The following IGFBP5 variants were observed in gnomAD, a reference collection of about 807,000 sequenced individuals.
The protein encoded by IGFBP5 is insulin-like growth factor-binding protein 5.
A neutral mutation model predicts 28.0 loss-of-function variants in IGFBP5; 12 were observed. That is an observed-to-expected ratio of 0.43 (90% CI 0.27 to 0.69). IGFBP5 has a LOEUF of 0.69. Among genes scored for constraint, IGFBP5 ranks in the 30% least tolerant of loss-of-function variants. IGFBP5 has a pLI of 0.20. For missense variants in IGFBP5, 344 were observed against 381.6 expected, an observed-to-expected ratio of 0.90 and a Z score of 0.82; for synonymous variants, 152 against 150.2, an observed-to-expected ratio of 1.01 and a Z score of -0.09.
At position 216,673,966 on chromosome 2, in the gene IGFBP5, A is replaced by C. The variant is rs1264479228; in HGVS notation, c.*2785T>G. 1.3e-5 allele frequency: 2 copies of C among 152,692 alleles called. No homozygotes were observed. The highest frequency in any genetic ancestry group is 2.9e-5 in the Non-Finnish European group (2 of 68,062). 9.5% of individuals were successfully genotyped at this position (152,692 alleles called of 1,614,324 possible). A position where few individuals can be genotyped will look rare whatever the true frequency, so the allele number is the denominator to read the frequency against. On this transcript the variant is annotated 3_prime_UTR_variant, in exon 4 of 4. Transcript: ENST00000233813. The surrounding 1 kb of genome is among the most constrained non-coding windows in gnomAD (Gnocchi z 4.3). ...AGGCACGAACTTTGGAAACCGGAAGAGTCTGGCGCACTTACACCAGGCTCT... is the reference window on the plus strand; with the variant it reads ...AGGCACGAACTTTGGAAACCGGAAGCGTCTGGCGCACTTACACCAGGCTCT...
chr2:216,693,401 A>G (rs1396623109), intron 1 of IGFBP5, among the ~76,000 whole-genome samples: 1 of 119,124 alleles, frequency 8.4e-6, no homozygotes, highest in African/African-American at 3.2e-5. Context: ...CATGCACTTA[A>G]TCCACACCCA....
At chr2:216,691,019 AG>A (rs933502905) in intron 1 of IGFBP5, among the ~76,000 whole-genome samples, 4 of 151,290 alleles carry the variant, frequency 2.6e-5, no homozygotes, top group African/African-American at 4.9e-5. Flanking sequence ...TTTCAGAGGG[AG>A]GGGGTGCGGG....
At chr2:216,690,424 A>G (rs892127606) in intron 1 of IGFBP5, among the ~76,000 whole-genome samples, 2 of 152,174 alleles carry the variant, frequency 1.3e-5, no homozygotes, top group Non-Finnish European at 2.9e-5. Flanking sequence ...CACACACTAA[A>G]TATCTTAAAA....
At chr2:216,678,613 C>G (rs1688932795) in intron 2 of IGFBP5, 1 of 576,184 alleles carries the variant, frequency 1.7e-6, no homozygotes, top group African/African-American at 1.9e-5. Context: ...GGCCGCTGGG[C>G]TGGCACACAC....
At chr2:216,691,875 G>A (rs1402643778) in intron 1 of IGFBP5, among the ~76,000 whole-genome samples, 2 of 114,566 alleles carry the variant, frequency 1.7e-5, no homozygotes, top group Non-Finnish European at 1.9e-5. Context: ...GTGTGTGTGT[G>A]TGTATGCTGC....
intron 1 of IGFBP5, among the ~76,000 whole-genome samples, chr2:216,686,712 G>A (rs1373006271): frequency 6.9e-6 from 1 of 144,912 alleles, no homozygotes; most frequent in African/African-American, 2.6e-5. Context: ...CTGTCGCCAG[G>A]CTGGAGTGCA....
At chr2:216,690,776 G>A (rs1482200411) in intron 1 of IGFBP5, among the ~76,000 whole-genome samples, 1 of 151,842 alleles carries the variant, frequency 6.6e-6, no homozygotes. Flanking sequence ...TAGGAGGGAG[G>A]GGTGAGAAAG....
intron 3 of IGFBP5, 117 bp from the exon 4 acceptor site, chr2:216,676,999 A>C: frequency 9.1e-7 from 1 of 1,104,700 alleles, no homozygotes; most frequent in Non-Finnish European, 1.3e-6. Context: ...AGTTGAGGGC[A>C]CTAGACCCGA....
In IGFBP5 at chr2:216,694,355, G is replaced by T; in HGVS notation, c.337+84C>A. On this transcript the variant is annotated intron_variant, in intron 1 of 3. Transcript: ENST00000233813. The surrounding 1 kb of genome is among the most constrained non-coding windows in gnomAD (Gnocchi z 5.2). The stretch of plus-strand genomic sequence containing the variant: ...GCTGCACCCCAGCTCGAAGCCACTT[G>T]CTGCGCAAAGCGCGCGGGCCCAGCC... The T allele has an allele frequency of 8.0e-7, 1 of 1,256,162 alleles. No individual in the cohort carries two copies. The highest frequency in any genetic ancestry group is 1.1e-6 in the Non-Finnish European group (1 of 945,260). 77.8% of individuals were successfully genotyped at this position (1,256,162 alleles called of 1,614,324 possible).
chr2:216,677,169 G>C (rs1203038618), intron 3 of IGFBP5, among the ~76,000 whole-genome samples: 2 of 151,608 alleles, frequency 1.3e-5, no homozygotes, highest in African/African-American at 2.4e-5. Flanking sequence ...AAACTCCTGA[G>C]CCCAAGTGAT....
intron 1 of IGFBP5, among the ~76,000 whole-genome samples, chr2:216,686,293 C>T (rs993708977): frequency 2.0e-5 from 3 of 152,180 alleles, no homozygotes; most frequent in Non-Finnish European, 4.4e-5. Flanking sequence ...AATCAGGAAC[C>T]AGACCACCTG....
In IGFBP5 at chr2:216,679,243, G is replaced by A. The variant is rs1688941611; in HGVS notation, c.338-164C>T. ...AAAGCAGGGGGATAAGAACCAGGAA[G>A]CAGAGGGAATGCTCATTTAAGTGGC... On this transcript the variant is annotated intron_variant, in intron 1 of 3. Transcript: ENST00000233813. The surrounding 1 kb of genome is among the most constrained non-coding windows in gnomAD (Gnocchi z 4.6). The A allele has an allele frequency of 3.0e-6, 2 of 661,392 alleles. No homozygotes were observed. The highest frequency in any genetic ancestry group is 2.7e-5 in the East Asian group (1 of 36,526). 41.0% of individuals were successfully genotyped at this position (661,392 alleles called of 1,614,324 possible). A position where few individuals can be genotyped will look rare whatever the true frequency, so the allele number is the denominator to read the frequency against.
Position 216,694,381 on chromosome 2 carries a change from G to A in IGFBP5, c.337+58C>T, listed in dbSNP as rs553018374. On this transcript the variant is annotated intron_variant, in intron 1 of 3. Coordinates refer to ENST00000233813, the MANE Select transcript of IGFBP5 (RefSeq NM_000599.4). This position sits in a 1 kb window ranked among gnomAD's most constrained non-coding sequence, Gnocchi z 5.2. ...CTGCGCAAAGCGCGCGGGCCCAGCC[G>A]GTCTCGTGTCCCCCGCCCGTGCGCC... The A allele has an allele frequency of 1.4e-6, 2 of 1,393,628 alleles. No homozygotes were observed. The highest frequency in any genetic ancestry group is 2.7e-5 in the Admixed American group (1 of 36,466). The allele number at this position is 1,393,628 out of a possible 1,614,324, so 86.3% of individuals were successfully genotyped here.
intron 1 of IGFBP5, among the ~76,000 whole-genome samples, chr2:216,690,834 CTGCT>C (rs1689086347): frequency 7.1e-6 from 1 of 140,776 alleles, no homozygotes; most frequent in Non-Finnish European, 1.5e-5. Flanking sequence ...AGGGCTAACT[CTGCT>C]TGTTCTTCCA....
At chr2:216,680,645 G>T (rs1265100503) in intron 1 of IGFBP5, among the ~76,000 whole-genome samples, 1 of 152,186 alleles carries the variant, frequency 6.6e-6, no homozygotes, top group Non-Finnish European at 1.5e-5. Flanking sequence ...TTAAGGCCTT[G>T]GCAGAGAAGG....
intron 1 of IGFBP5, among the ~76,000 whole-genome samples, chr2:216,691,922 G>A (rs1207578379): frequency 2.2e-5 from 3 of 136,112 alleles, no homozygotes; most frequent in African/African-American, 8.2e-5. Flanking sequence ...ATATCTGCAA[G>A]CTCAGATTTT....
At position 216,694,457 on chromosome 2, in the gene IGFBP5, G is replaced by C; in HGVS notation, c.319C>G (p.Arg107Gly). The C allele has an allele frequency of 1.3e-6, 2 of 1,574,724 alleles. No individual in the cohort carries two copies. Among genetic ancestry groups the C allele is most frequent in the Non-Finnish European group, 1.7e-6 (2 of 1,164,964 alleles). Residue 107 changes from arginine (R) to glycine (G), a missense_variant, in exon 1 of 4, where the codon CGC (arginine) becomes GGC (glycine). By Grantham distance (125) the Arg-to-Gly change is moderately radical (BLOSUM62 -2). Around this residue, in one of 3 missense-constraint regions of IGFBP5, gnomAD observed 304 missense variants for 329.2 expected, o/e 0.92. Transcript: ENST00000233813. The surrounding 1 kb of genome is among the most constrained non-coding windows in gnomAD (Gnocchi z 5.2). The part of the protein sequence containing the change: ...RGVCLNEKSY[R>G]EQVKIERDSR... Reference sequence around the variant, plus strand: ...CGCTCACCGATCTTGACTTGCTCGCGGTAGCTCTTTTCGTTGAGGCAAACC... The same window carrying C: ...CGCTCACCGATCTTGACTTGCTCGCCGTAGCTCTTTTCGTTGAGGCAAACC...
At chr2:216,684,531 G>A (rs987138962) in intron 1 of IGFBP5, among the ~76,000 whole-genome samples, 1 of 152,202 alleles carries the variant, frequency 6.6e-6, no homozygotes, top group African/African-American at 2.4e-5. Flanking sequence ...ACCCAGACCT[G>A]GGGAGATTCT....
At chr2:216,678,288 C>T (rs970777000) in intron 2 of IGFBP5, 57 bp from the exon 3 acceptor site, 28 of 1,450,372 alleles carry the variant, frequency 1.9e-5, no homozygotes, top group South Asian at 1.7e-4. Context: ...CACCCAGCTG[C>T]GCTGACGAAT....
Sources: gnomAD v4.1 joint callset for allele counts (sites outside exome capture counted in the v4.1 genomes callset) on GRCh38, gnomAD v4.1.1 for gene constraint, gnomAD v4.1.1 regional missense constraint, Gnocchi (gnomAD v3.1) non-coding constraint, MANE v1.5 for transcripts, NCBI Gene and HGNC (gene_info 2026-07-23, HGNC 2026-07-21) for gene names.